Variants in GPR158 observed in about 807,000 individuals in gnomAD.
GPR158 encodes metabotropic glycine receptor.
Under a neutral mutation model 78.2 loss-of-function variants are expected in GPR158, and 30 were observed. The ratio of observed to expected loss-of-function variants is 0.38; its 90% CI spans 0.29 to 0.52. The LOEUF (loss-of-function observed/expected upper bound fraction) is 0.52, where lower values mean the gene tolerates loss of function less well. Among genes scored for constraint, GPR158 ranks in the 20% least tolerant of loss-of-function variants. GPR158 has a pLI of 0.83. For synonymous variants in GPR158, 581 were observed against 591.1 expected, an observed-to-expected ratio of 0.98 and a Z score of 0.25; for missense variants, 1,463 against 1,523.5, an observed-to-expected ratio of 0.96 and a Z score of 0.66.
chr10:25,391,241 C>T lies in GPR158; in HGVS notation c.1009-4670C>T, dbSNP rs951097540. Among the ~76,000 whole-genome samples, 16 of 152,238 alleles carry T rather than the reference C, an allele frequency of 1.1e-4. No homozygotes were observed. In the South Asian group the frequency reaches 1.7e-3, roughly 16 times the overall value. ...AATGTGGGTGGGAACCCCAACACAG[C>T]GTCCCCACTGGGGCACTGCCTAGTG... is the stretch of plus-strand genomic sequence containing the variant. On this transcript the variant is annotated intron_variant, in intron 2 of 10. Transcript: ENST00000376351.
At chr10:25,451,531 G>A (rs1405143848) in intron 4 of GPR158, among the ~76,000 whole-genome samples, 3 of 152,182 alleles carry the variant, frequency 2.0e-5, no homozygotes, top group Non-Finnish European at 2.9e-5. Flanking sequence ...TAGAAGGTTA[G>A]TAAAAGCTGC....
intron 2 of GPR158, among the ~76,000 whole-genome samples, chr10:25,389,443 G>A (rs1027770731): frequency 3.4e-4 from 52 of 152,260 alleles, no homozygotes; most frequent in African/African-American, 1.2e-3. Context: ...GAGACTCTCT[G>A]CTGAGAGCTG....
rs528926183 is a variant in GPR158, at chr10:25,371,616, T to C, written c.1009-24295T>C. Among the ~76,000 whole-genome samples, 16 of 143,766 alleles carry C rather than the reference T, an allele frequency of 1.1e-4. No individual in the cohort carries two copies. The South Asian group carries it at 3.8e-3, about 34-fold the overall frequency. The allele number at this position is 143,766 out of a possible 152,430, so 94.3% of individuals were successfully genotyped here. A position where few individuals can be genotyped will look rare whatever the true frequency, so the allele number is the denominator to read the frequency against. On this transcript the variant is annotated intron_variant, in intron 2 of 10. Coordinates refer to ENST00000376351, the MANE Select transcript of GPR158 (RefSeq NM_020752.3). ...AACAAGCAATGGGGAAAGGATTCCC[T>C]ATTTAATAAATGGCGCTGGGAAAAC...
chr10:25,285,451 T>C (rs1413394), intron 2 of GPR158, among the ~76,000 whole-genome samples: 25,952 of 152,008 alleles, frequency 0.17, 3,570 homozygotes, highest in African/African-American at 0.36. Flanking sequence ...AGTCTAAATT[T>C]GAAGGCCTCA....
intron 4 of GPR158, among the ~76,000 whole-genome samples, chr10:25,431,345 A>G (rs1320077202): frequency 6.7e-6 from 1 of 149,052 alleles, no homozygotes; most frequent in Non-Finnish European, 1.5e-5. Context: ...CAGTCATTAA[A>G]AAGTCAGGAA....
At chr10:25,461,309 G>A (rs893194531) in intron 4 of GPR158, among the ~76,000 whole-genome samples, 1 of 152,096 alleles carries the variant, frequency 6.6e-6, no homozygotes, top group African/African-American at 2.4e-5. Flanking sequence ...AAATTGATGG[G>A]AATTAAAAAT....
intron 2 of GPR158, among the ~76,000 whole-genome samples, chr10:25,379,821 C>T (rs1834130870): frequency 6.6e-6 from 1 of 151,758 alleles, no homozygotes; most frequent in South Asian, 2.1e-4. Context: ...CTCAGTCTTC[C>T]CCCAGTGCTT....
Position 25,286,353 on chromosome 10 carries a change from G to C in GPR158, c.1008+65196G>C, listed in dbSNP as rs75721564. Among the ~76,000 whole-genome samples the C allele has an allele frequency of 7.7e-3, 1,174 of 152,028 alleles. 12 individuals are homozygous for C. The highest frequency in any genetic ancestry group is 0.02 in the South Asian group (97 of 4,814). Reference sequence around the variant, plus strand: ...GTTCACTGTTTCCTTATTTGGCTCTGTCAAGTCTACTGATTAGACTATCAA... The same window carrying C: ...GTTCACTGTTTCCTTATTTGGCTCTCTCAAGTCTACTGATTAGACTATCAA... On this transcript the variant is annotated intron_variant, in intron 2 of 10. Coordinates refer to ENST00000376351, the MANE Select transcript of GPR158 (RefSeq NM_020752.3).
intron 2 of GPR158, among the ~76,000 whole-genome samples, chr10:25,335,176 T>C (rs1194429857): frequency 2.6e-5 from 4 of 152,092 alleles, no homozygotes; most frequent in Non-Finnish European, 4.4e-5. Flanking sequence ...AGTTAGTACT[T>C]AACAGAGAGA....
At chr10:25,391,097 T>G (rs933831734) in intron 2 of GPR158, among the ~76,000 whole-genome samples, 4 of 152,268 alleles carry the variant, frequency 2.6e-5, no homozygotes, top group Non-Finnish European at 5.9e-5. Context: ...AGAATTGAGG[T>G]TTGGGAACCT....
At chr10:25,354,267 A>G (rs112456351) in intron 2 of GPR158, among the ~76,000 whole-genome samples, 1,639 of 151,894 alleles carry the variant, frequency 0.011, 7 homozygotes, top group Non-Finnish European at 0.016. Flanking sequence ...AGGCAGGAGA[A>G]TCACTTGAAC....
intron 7 of GPR158, among the ~76,000 whole-genome samples, chr10:25,578,026 G>A (rs549093611): frequency 1.3e-5 from 2 of 152,290 alleles, no homozygotes; most frequent in Admixed American, 1.3e-4. Flanking sequence ...GACATTTTTA[G>A]ATCAGATTAT....
intron 2 of GPR158, among the ~76,000 whole-genome samples, chr10:25,305,471 G>A (rs1176114325): frequency 1.3e-5 from 2 of 152,140 alleles, no homozygotes; most frequent in Admixed American, 6.5e-5. Flanking sequence ...ATAAGATGGT[G>A]CAATAATTCT....
rs758593687 is a variant in GPR158 at position 25,175,664 on chromosome 10, G to A, written c.244G>A (p.Val82Met). The A allele has an allele frequency of 1.2e-6, 2 of 1,611,478 alleles. No individual in the cohort carries two copies. The highest frequency in any genetic ancestry group is 4.5e-5 in the East Asian group (2 of 44,838). Residue 82 changes from valine to methionine, a missense_variant, in exon 1 of 11, where the codon GTG (valine) becomes ATG (methionine). Val to Met is a conservative substitution (Grantham distance 21). Transcript: ENST00000376351. This position sits in a 1 kb window ranked among gnomAD's most constrained non-coding sequence, Gnocchi z 6.4. ...QKLAEEVPMD[V>M]ASYLYTGDSH... ...ACTCGCCGAGGAGGTGCCCATGGAC[G>A]TGGCCTCTTACCTCTACACCGGGGA...
chr10:25,493,725 A>G (rs145906983), intron 5 of GPR158, among the ~76,000 whole-genome samples: 101 of 152,368 alleles, frequency 6.6e-4, no homozygotes, highest in South Asian at 2.9e-3. Context: ...AAAGTTAACC[A>G]TATAGATTAG....
chr10:25,193,300 T>C (rs540900947), intron 1 of GPR158, among the ~76,000 whole-genome samples: 12 of 151,528 alleles, frequency 7.9e-5, no homozygotes, highest in African/African-American at 2.9e-4. Flanking sequence ...GGCTGAGGGG[T>C]AGGGTAGAAT....
At chr10:25,488,108 G>A (rs1835757888) in intron 5 of GPR158, among the ~76,000 whole-genome samples, 1 of 152,156 alleles carries the variant, frequency 6.6e-6, no homozygotes, top group African/African-American at 2.4e-5. Context: ...AAGTATGGAA[G>A]TGGATAGTCC....
At chr10:25,467,033 C>T (rs1174211397) in intron 5 of GPR158, among the ~76,000 whole-genome samples, 1 of 151,990 alleles carries the variant, frequency 6.6e-6, no homozygotes, top group African/African-American at 2.4e-5. Flanking sequence ...GAGCATGTGC[C>T]CAGGGTGGTT....
At chr10:25,308,590 A>G (rs1854718344) in intron 2 of GPR158, among the ~76,000 whole-genome samples, 1 of 152,114 alleles carries the variant, frequency 6.6e-6, no homozygotes, top group African/African-American at 2.4e-5. Flanking sequence ...AACAGTTTTC[A>G]AGTACACAGT....
Sources: gnomAD v4.1 joint callset for allele counts (sites outside exome capture counted in the v4.1 genomes callset) on GRCh38, gnomAD v4.1.1 for gene constraint, Gnocchi (gnomAD v3.1) non-coding constraint, MANE v1.5 for transcripts, NCBI Gene and HGNC (gene_info 2026-07-23, HGNC 2026-07-21) for gene names.